The following CTNNBIP1 variants were observed in gnomAD, a reference collection of about 807,000 sequenced individuals.
CTNNBIP1 encodes beta-catenin-interacting protein 1.
In CTNNBIP1, 7 loss-of-function variants were observed where a neutral mutation model predicts 11.8. That is an observed-to-expected ratio of 0.60 (90% CI 0.34 to 1.12). CTNNBIP1 has a LOEUF of 1.12. Among genes scored for constraint, CTNNBIP1 ranks in the 50% most tolerant of loss-of-function variants. The pLI is 0.03. For missense variants in CTNNBIP1, 101 were observed against 113.4 expected (o/e 0.89, Z 0.50); for synonymous variants, 58 against 43.9 (o/e 1.32, Z -1.26).
At position 9,910,221 on chromosome 1, in the gene CTNNBIP1, G is replaced by A. The variant is rs1378515512; in HGVS notation, c.-270C>T. ...CGGCGGCAGTAGCAGCAGCAGGAGC[G>A]GCCGCCTCAGCCTCCGCCTCCCGCT... On this transcript the variant is annotated 5_prime_UTR_variant, in exon 1 of 6. Transcript: ENST00000377263. 2 of 147,372 alleles carry A rather than the reference G, an allele frequency of 1.4e-5. No homozygotes were observed. The highest frequency in any genetic ancestry group is 1.3e-4 in the Admixed American group (2 of 14,830). 9.1% of individuals were successfully genotyped at this position (147,372 alleles called of 1,614,324 possible).
rs985361911 is a variant in CTNNBIP1 at position 9,864,303 on chromosome 1, G to A, written c.187+6884C>T. ...AAATGAGCCAAGTCTAGGTCTAGGC[G>A]GGGTCCCTCTCAGCAACACCTTGAC... On this transcript the variant is annotated intron_variant, in intron 5 of 5. Coordinates refer to ENST00000377263, the MANE Select transcript of CTNNBIP1 (RefSeq NM_020248.3). Among the ~76,000 whole-genome samples, 53 of 152,198 alleles carry A rather than the reference G, an allele frequency of 3.5e-4. 1 individual carries two copies. The highest frequency in any genetic ancestry group is 3.3e-3 in the Admixed American group (50 of 15,280).
rs1021009781 is a variant in CTNNBIP1 at position 9,850,336 on chromosome 1, C to T, written c.*382G>A. The T allele has an allele frequency of 1.1e-5, 2 of 185,282 alleles. No individual in the cohort carries two copies. The highest frequency in any genetic ancestry group is 2.3e-5 in the Non-Finnish European group (2 of 87,790). The allele number at this position is 185,282 out of a possible 1,614,324, so 11.5% of individuals were successfully genotyped here. ...TTAAGCAGCCAATCAGACCTCTTCA[C>T]ATTTCTAAAAAAATGACCTAACTAA... On this transcript the variant is annotated 3_prime_UTR_variant, in exon 6 of 6. Transcript: ENST00000377263.
At chr1:9,881,729 G>A (rs1350228300) in intron 2 of CTNNBIP1, among the ~76,000 whole-genome samples, 1 of 152,138 alleles carries the variant, frequency 6.6e-6, no homozygotes, top group African/African-American at 2.4e-5. Context: ...GAAAAAGAAG[G>A]TCAAGATGCT....
rs1272944087 is a variant in CTNNBIP1, at chr1:9,871,206, A to C, written c.168T>G (p.Pro56=). 6.3e-7 allele frequency: 1 copy of C among 1,578,242 alleles called. No individual in the cohort carries two copies. The highest frequency in any genetic ancestry group is 1.9e-5 in the Admixed American group (1 of 53,714). Residue 56 remains proline (P), a synonymous_variant, in exon 5 of 6, where the codon CCT becomes CCG. Coordinates refer to ENST00000377263, the MANE Select transcript of CTNNBIP1 (RefSeq NM_020248.3). This position sits in a 1 kb window ranked among gnomAD's most constrained non-coding sequence, Gnocchi z 5.2. ...ACTCACCCTGGTCGATGGAGTGCGG[A>C]GGCAGCTGGCTGAGCTGGCTGTTGA... The part of the protein sequence containing the change: ...GVVNSQLSQL[P]PHSIDQGAED...
chr1:9,895,534 T>G (rs912172694), intron 1 of CTNNBIP1, among the ~76,000 whole-genome samples: 4 of 146,706 alleles, frequency 2.7e-5, no homozygotes, highest in Non-Finnish European at 3.0e-5. Flanking sequence ...TCTTGCTCTG[T>G]CGCCAGGCTA....
intron 3 of CTNNBIP1, among the ~76,000 whole-genome samples, chr1:9,875,397 G>A (rs1295987294): frequency 6.6e-6 from 1 of 152,160 alleles, no homozygotes; most frequent in Non-Finnish European, 1.5e-5. Flanking sequence ...ATCACAGACC[G>A]CCTCCATGGG....
chr1:9,886,987 C>T (rs1421166787), intron 1 of CTNNBIP1, among the ~76,000 whole-genome samples: 1 of 152,208 alleles, frequency 6.6e-6, no homozygotes, highest in African/African-American at 2.4e-5. Context: ...CCGCACTCCA[C>T]CAGCAGAGCT....
At chr1:9,904,173 A>G (rs558290818) in intron 1 of CTNNBIP1, among the ~76,000 whole-genome samples, 7 of 152,326 alleles carry the variant, frequency 4.6e-5, no homozygotes, top group East Asian at 1.9e-4. Flanking sequence ...AGTTTTTACA[A>G]ATCTACAGAT....
At chr1:9,876,145 CTA>C (rs1638964666) in intron 3 of CTNNBIP1, among the ~76,000 whole-genome samples, 2 of 152,180 alleles carry the variant, frequency 1.3e-5, no homozygotes, top group Admixed American at 6.5e-5. Flanking sequence ...ATTAGACACA[CTA>C]ATTATTCATC....
chr1:9,895,065 G>A (rs1639383508), intron 1 of CTNNBIP1, among the ~76,000 whole-genome samples: 1 of 151,958 alleles, frequency 6.6e-6, no homozygotes, highest in African/African-American at 2.4e-5. Context: ...CCACCACCAT[G>A]CCCTGCTAAT....
intron 5 of CTNNBIP1, among the ~76,000 whole-genome samples, chr1:9,857,353 G>A (rs190751063): frequency 7.3e-5 from 11 of 150,940 alleles, no homozygotes; most frequent in African/African-American, 2.2e-4. Flanking sequence ...GGTGGCGGGC[G>A]CCTGTAGTCC....
At chr1:9,881,016 T>C (rs559739142) in intron 2 of CTNNBIP1, among the ~76,000 whole-genome samples, 1 of 152,292 alleles carries the variant, frequency 6.6e-6, no homozygotes. Context: ...TTTACTGTTC[T>C]ACTCTCACCA....
At chr1:9,894,481 G>C (rs756328411) in intron 1 of CTNNBIP1, among the ~76,000 whole-genome samples, 21 of 151,348 alleles carry the variant, frequency 1.4e-4, no homozygotes, top group Non-Finnish European at 2.4e-4. Context: ...TCAGCCTCCT[G>C]AGTAGCTAGG....
intron 2 of CTNNBIP1, among the ~76,000 whole-genome samples, chr1:9,879,331 G>C (rs1570581044): frequency 6.6e-6 from 1 of 152,180 alleles, no homozygotes; most frequent in East Asian, 1.9e-4. Context: ...TGAGAGAGGT[G>C]CGGGGCCAAT....
chr1:9,882,757 C>T (rs1557758448), intron 2 of CTNNBIP1, among the ~76,000 whole-genome samples: 1 of 151,998 alleles, frequency 6.6e-6, no homozygotes, highest in South Asian at 2.1e-4. Context: ...TGGGGAGAGG[C>T]CTGGCACATG....
chr1:9,899,072 C>T (rs1415121587), intron 1 of CTNNBIP1, among the ~76,000 whole-genome samples: 1 of 151,954 alleles, frequency 6.6e-6, no homozygotes, highest in Non-Finnish European at 1.5e-5. Flanking sequence ...AGAATTTTTC[C>T]TGAATATTTT....
intron 1 of CTNNBIP1, among the ~76,000 whole-genome samples, chr1:9,902,455 T>C (rs1023904356): frequency 9.2e-5 from 14 of 152,344 alleles, no homozygotes; most frequent in African/African-American, 3.1e-4. Flanking sequence ...TTGCTAACCA[T>C]GGCTCCTGAG....
intron 5 of CTNNBIP1, among the ~76,000 whole-genome samples, chr1:9,859,992 C>T (rs1638587931): frequency 6.6e-6 from 1 of 152,182 alleles, no homozygotes; most frequent in South Asian, 2.1e-4. Context: ...CTTCATTTCA[C>T]CAAAGCATCT....
At chr1:9,859,239 G>T (rs1316859608) in intron 5 of CTNNBIP1, among the ~76,000 whole-genome samples, 1 of 152,212 alleles carries the variant, frequency 6.6e-6, no homozygotes, top group Non-Finnish European at 1.5e-5. Context: ...CACTGGCAAA[G>T]GCGCAGCTTT....
Sources: allele counts gnomAD v4.1 joint callset (sites outside exome capture counted in the v4.1 genomes callset), GRCh38; gene constraint gnomAD v4.1.1; non-coding constraint Gnocchi (gnomAD v3.1); transcripts MANE v1.5; gene names NCBI Gene and HGNC (gene_info 2026-07-23, HGNC 2026-07-21).